Variants in DYTN observed in about 807,000 individuals in gnomAD.
DYTN encodes the protein dystrotelin.
Under a neutral mutation model 69.6 loss-of-function variants are expected in DYTN, and 75 were observed. The ratio of observed to expected loss-of-function variants is 1.08; its 90% CI spans 0.89 to 1.31. DYTN has a LOEUF of 1.31. DYTN is among the 50% of genes most tolerant of loss of function. The pLI is 0.00. For missense variants in DYTN, 726 were observed against 688.4 expected (o/e 1.05, Z -0.61); for synonymous variants, 252 against 249.1 (o/e 1.01, Z -0.11).
intron 1 of DYTN, among the ~76,000 whole-genome samples, chr2:206,715,968 A>G (rs986325386): frequency 4.6e-5 from 7 of 152,104 alleles, no homozygotes; most frequent in African/African-American, 1.7e-4. Flanking sequence ...CGTGCCTGTA[A>G]TCTCAGCTAC....
rs200720001 is a variant in DYTN, at chr2:206,704,916, C to G, written c.410G>C (p.Ser137Thr). Residue 137 changes from serine (S) to threonine (T), a missense_variant, in exon 5 of 12, where the codon AGC (serine) becomes ACC (threonine). Ser to Thr is a moderately conservative substitution (Grantham distance 58). Coordinates refer to ENST00000452335, the MANE Select transcript of DYTN (RefSeq NM_001093730.1). ...TGGCCCAGAATCATAGCCTCCCCTG[C>G]TATTTTCTGCATAGAGTTGAAAAAG... The part of the protein sequence containing the change: ...RALFQLYAEN[S>T]RGGYDSGPRM... 5 of 1,613,748 alleles carry G rather than the reference C, an allele frequency of 3.1e-6. No homozygotes were observed. The African/African-American group carries it at 5.3e-5, about 17-fold the overall frequency.
chr2:206,707,174 G>T, intron 3 of DYTN, 128 bp downstream of exon 3: 1 of 1,201,344 alleles, frequency 8.3e-7, no homozygotes, highest in Non-Finnish European at 1.2e-6. Flanking sequence ...ATAAATTTGT[G>T]AAAAACAAAC....
At chr2:206,704,784 T>C in intron 5 of DYTN, 59 bp downstream of exon 5, 9 of 1,434,462 alleles carry the variant, frequency 6.3e-6, no homozygotes, top group Middle Eastern at 3.5e-4. Flanking sequence ...GATTCTTTAA[T>C]AATAAATGTG....
intron 9 of DYTN, among the ~76,000 whole-genome samples, chr2:206,671,087 C>A (rs772311082): frequency 6.6e-6 from 1 of 152,176 alleles, no homozygotes; most frequent in Non-Finnish European, 1.5e-5. Flanking sequence ...TCACACTCTG[C>A]GCCCTGAACT....
intron 9 of DYTN, among the ~76,000 whole-genome samples, chr2:206,687,599 C>T (rs1488743561): frequency 1.3e-5 from 2 of 151,466 alleles, no homozygotes; most frequent in Non-Finnish European, 2.9e-5. Context: ...TTTCTTTCTT[C>T]CTTAGGAGAT....
intron 11 of DYTN, among the ~76,000 whole-genome samples, chr2:206,655,907 T>C (rs1431386139): frequency 6.6e-6 from 1 of 152,244 alleles, no homozygotes; most frequent in Non-Finnish European, 1.5e-5. Context: ...CATTAACATA[T>C]GATCTATCCC....
intron 11 of DYTN, among the ~76,000 whole-genome samples, chr2:206,655,666 C>T (rs964690685): frequency 1.3e-5 from 2 of 151,456 alleles, no homozygotes; most frequent in Non-Finnish European, 2.9e-5. Context: ...TCAATTGGTC[C>T]TCCCACCTCA....
intron 11 of DYTN, 115 bp from the exon 12 acceptor site, chr2:206,652,036 A>C: frequency 2.5e-5 from 23 of 912,570 alleles, no homozygotes; most frequent in Non-Finnish European, 3.6e-5. Flanking sequence ...TTCAGTTCTC[A>C]AGGACAATGT....
At chr2:206,681,419 G>A (rs1287916320) in intron 9 of DYTN, among the ~76,000 whole-genome samples, 1 of 152,132 alleles carries the variant, frequency 6.6e-6, no homozygotes, top group Non-Finnish European at 1.5e-5. Flanking sequence ...TGTTGAATAG[G>A]AGTGATAAGA....
intron 4 of DYTN, 85 bp downstream of exon 4, chr2:206,705,703 G>C: frequency 8.6e-7 from 1 of 1,167,632 alleles, no homozygotes; most frequent in Non-Finnish European, 1.3e-6. Flanking sequence ...ATGCTGAAGA[G>C]GCCTTGTGGC....
chr2:206,652,011 C>A, intron 11 of DYTN, 90 bp from the exon 12 acceptor site: 1 of 1,215,460 alleles, frequency 8.2e-7, no homozygotes, highest in Non-Finnish European at 1.1e-6. Flanking sequence ...GGAGAAGAAA[C>A]AGAATCCATT....
At chr2:206,673,729 T>G (rs925211674) in intron 9 of DYTN, among the ~76,000 whole-genome samples, 2 of 152,194 alleles carry the variant, frequency 1.3e-5, no homozygotes, top group Non-Finnish European at 2.9e-5. Context: ...ATGCAACCTA[T>G]CTTAGAAATG....
chr2:206,667,014 C>T (rs1467703159), intron 9 of DYTN, among the ~76,000 whole-genome samples: 6 of 152,102 alleles, frequency 3.9e-5, no homozygotes, highest in Non-Finnish European at 8.8e-5. Context: ...CACTGCTCTC[C>T]AGCCTGGCTG....
intron 9 of DYTN, among the ~76,000 whole-genome samples, chr2:206,682,643 T>G (rs759427697): frequency 1.8e-4 from 27 of 152,162 alleles, no homozygotes; most frequent in Non-Finnish European, 3.5e-4. Flanking sequence ...ACCATTAACA[T>G]GCCAACAACC....
At chr2:206,700,060 T>G in intron 6 of DYTN, 85 bp downstream of exon 6, 1 of 1,576,714 alleles carries the variant, frequency 6.3e-7, no homozygotes, top group Non-Finnish European at 8.7e-7. Context: ...GGAGTAATAA[T>G]AGGTCTGTAA....
intron 9 of DYTN, among the ~76,000 whole-genome samples, chr2:206,672,529 G>T (rs905631643): frequency 6.6e-6 from 1 of 152,160 alleles, no homozygotes; most frequent in African/African-American, 2.4e-5. Context: ...CCCATGAGGG[G>T]TGTCTCCTGG....
chr2:206,683,206 C>A (rs1275166515), intron 9 of DYTN, among the ~76,000 whole-genome samples: 6 of 152,122 alleles, frequency 3.9e-5, no homozygotes, highest in Non-Finnish European at 7.4e-5. Context: ...ACATAGCAAC[C>A]AGACTGAGAG....
chr2:206,717,986 T>C (rs1347039559), intron 1 of DYTN, among the ~76,000 whole-genome samples: 2 of 152,244 alleles, frequency 1.3e-5, no homozygotes, highest in East Asian at 3.8e-4. Flanking sequence ...TTTCTGTGTA[T>C]TTGAATAGCA....
rs112528178 is a variant in DYTN, at chr2:206,694,528, C to A, written c.831+238G>T. ...TTCCAGAGTATCTGATCAATCACTTCAGACTGAACTCTGGCCTGTTCTTGT... is the reference window on the plus strand; with the variant it reads ...TTCCAGAGTATCTGATCAATCACTTAAGACTGAACTCTGGCCTGTTCTTGT... On this transcript the variant is annotated intron_variant, in intron 8 of 11. Coordinates refer to ENST00000452335, the MANE Select transcript of DYTN (RefSeq NM_001093730.1). 9.7e-4 allele frequency among the ~76,000 whole-genome samples: 147 copies of A among 152,256 alleles called. 1 individual carries two copies. The highest frequency in any genetic ancestry group is 3.4e-3 in the African/African-American group (141 of 41,546).
Sources: gnomAD v4.1 joint callset for allele counts (sites outside exome capture counted in the v4.1 genomes callset) on GRCh38, gnomAD v4.1.1 for gene constraint, MANE v1.5 for transcripts, NCBI Gene and HGNC (gene_info 2026-07-23, HGNC 2026-07-21) for gene names.